The following PTPN4 variants were observed in gnomAD, a reference collection of about 807,000 sequenced individuals.
PTPN4 encodes protein tyrosine phosphatase non-receptor type 4, also known as tyrosine-protein phosphatase non-receptor type 4.
PTPN4 carries 49 observed loss-of-function variants against 135.5 expected under a neutral mutation model. The observed-to-expected ratio is 0.36, with a 90% CI of 0.29 to 0.46. The LOEUF is 0.46. Ranked by LOEUF, PTPN4 falls within the 20% of genes least tolerant of loss-of-function variation. The probability of loss-of-function intolerance (pLI) is 1.00; values close to 1 mark genes in which losing one functional copy is unlikely to be tolerated. For synonymous variants in PTPN4, 333 were observed against 369.9 expected (o/e 0.90, Z 1.14); for missense variants, 860 against 1,101.0 (o/e 0.78, Z 3.10).
chr2:119,795,624 AC>A (rs1332297020), intron 1 of PTPN4, among the ~76,000 whole-genome samples: 1 of 152,100 alleles, frequency 6.6e-6, no homozygotes, highest in Non-Finnish European at 1.5e-5. Context: ...GGGAGCAGAC[AC>A]CTCTGAGCCT....
chr2:119,946,024 A>G (rs1679128071), intron 16 of PTPN4, among the ~76,000 whole-genome samples: 1 of 152,154 alleles, frequency 6.6e-6, no homozygotes. Context: ...CTGTATACTC[A>G]TACATATGAA....
At position 119,780,052 on chromosome 2, in the gene PTPN4, ATT is replaced by A. The variant is rs113321305; in HGVS notation, c.-18+19677_-18+19678del. Among the ~76,000 whole-genome samples the A allele has an allele frequency of 7.3e-5, 11 of 151,022 alleles. 1 individual carries two copies. The highest frequency in any genetic ancestry group is 6.6e-4 in the Admixed American group (10 of 15,110). ...TGAGCCACCACACCTGGCTGAAATAATTTTTTTTTTAACTCTTTCCTCACAAC... is the reference window on the plus strand; with the variant it reads ...TGAGCCACCACACCTGGCTGAAATAATTTTTTTTAACTCTTTCCTCACAAC... On this transcript the variant is annotated intron_variant, in intron 1 of 26. Transcript: ENST00000263708.
chr2:119,864,374 T>C (rs367711424), intron 3 of PTPN4, among the ~76,000 whole-genome samples: 1 of 152,152 alleles, frequency 6.6e-6, no homozygotes, highest in East Asian at 1.9e-4. Context: ...ATAAGGTTTT[T>C]TTCCTTTCTT....
chr2:119,801,645 T>C (rs1048024899), intron 1 of PTPN4, among the ~76,000 whole-genome samples: 5 of 152,112 alleles, frequency 3.3e-5, no homozygotes, highest in African/African-American at 7.2e-5. Flanking sequence ...CCTAAGTATT[T>C]TGTTTTTTGT....
At chr2:119,870,422 C>T (rs1677893970) in intron 3 of PTPN4, among the ~76,000 whole-genome samples, 1 of 152,096 alleles carries the variant, frequency 6.6e-6, no homozygotes, top group South Asian at 2.1e-4. Context: ...ATTTCAGTTT[C>T]ATTGGTAAAA....
At chr2:119,839,788 A>T (rs1677352401) in intron 2 of PTPN4, among the ~76,000 whole-genome samples, 1 of 152,200 alleles carries the variant, frequency 6.6e-6, no homozygotes, top group Non-Finnish European at 1.5e-5. Context: ...TTGCAAATAT[A>T]TATATTTGCT....
At chr2:119,799,787 G>A (rs1375890938) in intron 1 of PTPN4, among the ~76,000 whole-genome samples, 1 of 152,116 alleles carries the variant, frequency 6.6e-6, no homozygotes, top group Non-Finnish European at 1.5e-5. Flanking sequence ...TTCAAGTGCT[G>A]GTTCTCTTTT....
At chr2:119,860,164 T>C (rs768253912) in intron 2 of PTPN4, among the ~76,000 whole-genome samples, 2 of 152,202 alleles carry the variant, frequency 1.3e-5, no homozygotes, top group Admixed American at 6.5e-5. Context: ...GCTTGCTCTC[T>C]TCCCCAGACA....
intron 5 of PTPN4, among the ~76,000 whole-genome samples, chr2:119,881,029 G>A (rs59105046): frequency 6.6e-6 from 1 of 152,062 alleles, no homozygotes; most frequent in Non-Finnish European, 1.5e-5. Flanking sequence ...AAACCAAAAA[G>A]TTTGGTCTTC....
chr2:119,775,841 A>G (rs892460565), intron 1 of PTPN4, among the ~76,000 whole-genome samples: 16 of 151,552 alleles, frequency 1.1e-4, no homozygotes, highest in African/African-American at 3.4e-4. Flanking sequence ...CTATATCTAT[A>G]TATCTATCTA....
chr2:119,949,800 A>G (rs373133043), intron 18 of PTPN4, among the ~76,000 whole-genome samples: 1 of 152,192 alleles, frequency 6.6e-6, no homozygotes, highest in East Asian at 1.9e-4. Flanking sequence ...CTATGATCAC[A>G]CCACTACACT....
intron 16 of PTPN4, among the ~76,000 whole-genome samples, chr2:119,945,788 G>A (rs532867970): frequency 1.1e-4 from 17 of 152,092 alleles, no homozygotes; most frequent in Admixed American, 3.9e-4. Context: ...AATGGGGAAC[G>A]ACTGCTAATG....
chr2:119,844,188 G>T, intron 2 of PTPN4, among the ~76,000 whole-genome samples: 1 of 127,016 alleles, frequency 7.9e-6, no homozygotes. Flanking sequence ...CGGGGCGGCT[G>T]GCCGGGCAGA....
At chr2:119,818,938 T>C (rs1183839608) in intron 2 of PTPN4, among the ~76,000 whole-genome samples, 5 of 152,180 alleles carry the variant, frequency 3.3e-5, no homozygotes, top group African/African-American at 7.2e-5. Flanking sequence ...GAAATCTCTG[T>C]TTAGTTAACA....
rs957015162 is a variant in PTPN4, at chr2:119,848,879, G to T, written c.139-13657G>T. On this transcript the variant is annotated intron_variant, in intron 2 of 26. Coordinates refer to ENST00000263708, the MANE Select transcript of PTPN4 (RefSeq NM_002830.4). ...CTCCCAAAGTGCTGGGATTACAGGC[G>T]TGAGCCACCACACCTGGCCTCTTCA... Among the ~76,000 whole-genome samples, 8 of 152,204 alleles carry T rather than the reference G, an allele frequency of 5.3e-5. No homozygotes were observed. In the East Asian group the frequency reaches 1.2e-3, roughly 22 times the overall value.
intron 14 of PTPN4, among the ~76,000 whole-genome samples, chr2:119,934,017 C>G (rs1678946037): frequency 6.6e-6 from 1 of 152,110 alleles, no homozygotes; most frequent in Non-Finnish European, 1.5e-5. Flanking sequence ...AAAATAATAG[C>G]AAGTTAAGCC....
intron 2 of PTPN4, among the ~76,000 whole-genome samples, chr2:119,831,376 T>C (rs931901865): frequency 6.6e-6 from 1 of 152,232 alleles, no homozygotes; most frequent in Non-Finnish European, 1.5e-5. Flanking sequence ...GTGGTCTTGG[T>C]ATTCTTGTTA....
chr2:119,906,516 AT>A (rs1678491220), intron 10 of PTPN4, among the ~76,000 whole-genome samples: 1 of 152,244 alleles, frequency 6.6e-6, no homozygotes, highest in African/African-American at 2.4e-5. Flanking sequence ...ACATACAAAT[AT>A]CAGTAAGTGA....
chr2:119,789,342 A>T (rs1404527534), intron 1 of PTPN4, among the ~76,000 whole-genome samples: 1 of 152,130 alleles, frequency 6.6e-6, no homozygotes, highest in Non-Finnish European at 1.5e-5. Context: ...CTGATACATG[A>T]TTGGCAAATA....
Sources: gnomAD v4.1 joint callset for allele counts (sites outside exome capture counted in the v4.1 genomes callset) on GRCh38, gnomAD v4.1.1 for gene constraint, MANE v1.5 for transcripts, NCBI Gene and HGNC (gene_info 2026-07-23, HGNC 2026-07-21) for gene names.